The following TXK variants were observed in gnomAD, a reference collection of about 807,000 sequenced individuals.
TXK encodes the protein tyrosine-protein kinase TXK.
Under a neutral mutation model 81.0 loss-of-function variants are expected in TXK, and 60 were observed. That is an observed-to-expected ratio of 0.74 (90% CI 0.60 to 0.92). The LOEUF is 0.92. Among genes scored for constraint, TXK ranks in the 40% least tolerant of loss-of-function variants. The probability of loss-of-function intolerance (pLI) is 0.00; values close to 1 mark genes in which losing one functional copy is unlikely to be tolerated. For synonymous variants in TXK, 203 were observed against 210.7 expected, an observed-to-expected ratio of 0.96 and a Z score of 0.32; for missense variants, 581 against 638.3, an observed-to-expected ratio of 0.91 and a Z score of 0.97.
intron 13 of TXK, among the ~76,000 whole-genome samples, chr4:48,072,203 C>T (rs1369582172): frequency 1.3e-5 from 2 of 152,126 alleles, no homozygotes; most frequent in African/African-American, 4.8e-5. Context: ...GGGGTTTCAC[C>T]ATGTTGGCCA....
chr4:48,086,107 C>A (rs907735963), intron 10 of TXK, among the ~76,000 whole-genome samples: 1 of 152,202 alleles, frequency 6.6e-6, no homozygotes, highest in Non-Finnish European at 1.5e-5. Context: ...CTCCTCCTCC[C>A]GTAAGGGATT....
intron 12 of TXK, among the ~76,000 whole-genome samples, chr4:48,074,375 A>G (rs1338678517): frequency 6.6e-6 from 1 of 151,684 alleles, no homozygotes; most frequent in African/African-American, 2.4e-5. Flanking sequence ...AACCAAGATT[A>G]TAAAAAGGAA....
chr4:48,086,629 C>T lies in TXK; in HGVS notation c.793G>A (p.Glu265Lys), dbSNP rs531077454. Residue 265 changes from glutamate to lysine, a missense_variant, in exon 10 of 15, where the codon GAG becomes AAG. Coordinates refer to ENST00000264316, the MANE Select transcript of TXK (RefSeq NM_003328.3). ...ATAGFSYEKW[E>K]IDPSELAFIK... ...AAAGCCAACTCAGATGGATCTATCT[C>T]CCACTTTTCTGAAAAAGTAAAACAT... 3.8e-5 allele frequency: 62 copies of T among 1,613,128 alleles called. No individual in the cohort carries two copies. The highest frequency in any genetic ancestry group is 3.3e-4 in the Middle Eastern group (2 of 6,056).
intron 3 of TXK, among the ~76,000 whole-genome samples, chr4:48,112,741 C>A (rs1035568103): frequency 2.6e-5 from 4 of 152,094 alleles, no homozygotes; most frequent in Admixed American, 2.0e-4. Flanking sequence ...CTCTTGACAG[C>A]ATTTTACTGG....
chr4:48,114,516 T>G, intron 1 of TXK, 114 bp from the exon 2 acceptor site: 2 of 1,110,424 alleles, frequency 1.8e-6, no homozygotes, highest in African/African-American at 1.6e-5. Context: ...GTCTCGATCG[T>G]GCCTTCCTTC....
At chr4:48,097,894 C>A (rs56143759) in intron 6 of TXK, among the ~76,000 whole-genome samples, 5,847 of 151,364 alleles carry the variant, frequency 0.039, 370 homozygotes, top group African/African-American at 0.13. Flanking sequence ...ACTACAGGCG[C>A]CCGTCACCAC....
intron 8 of TXK, among the ~76,000 whole-genome samples, chr4:48,090,067 T>C (rs964523354): frequency 2.0e-5 from 3 of 152,222 alleles, no homozygotes; most frequent in African/African-American, 7.2e-5. Context: ...AAAATCTTAG[T>C]ATTCACAGAT....
chr4:48,133,618 T>C (rs1051785493), intron 1 of TXK, among the ~76,000 whole-genome samples: 1 of 152,222 alleles, frequency 6.6e-6, no homozygotes, highest in Admixed American at 6.5e-5. Flanking sequence ...TAAATACCCC[T>C]GTGAAAATAA....
intron 12 of TXK, among the ~76,000 whole-genome samples, chr4:48,074,930 C>G (rs984901140): frequency 6.6e-6 from 1 of 152,120 alleles, no homozygotes; most frequent in Admixed American, 6.5e-5. Flanking sequence ...AGTCTAGGCT[C>G]TTCAGAGAAG....
intron 4 of TXK, among the ~76,000 whole-genome samples, chr4:48,111,970 C>T (rs1448255365): frequency 6.6e-6 from 1 of 152,168 alleles, no homozygotes; most frequent in Non-Finnish European, 1.5e-5. Context: ...CAGGAAAAAA[C>T]TGACAAATTC....
chr4:48,126,259 T>G (rs546456935), intron 1 of TXK, among the ~76,000 whole-genome samples: 89 of 152,380 alleles, frequency 5.8e-4, no homozygotes, highest in Non-Finnish European at 1.1e-3. Flanking sequence ...GCATTTATCA[T>G]GAGCCACTTT....
At position 48,081,829 on chromosome 4, in the gene TXK, G is replaced by C. The variant is rs769059393; in HGVS notation, c.957-1701C>G. Among the ~76,000 whole-genome samples the C allele has an allele frequency of 2.0e-5, 3 of 151,974 alleles. No individual in the cohort carries two copies. The East Asian group carries it at 5.8e-4, about 29-fold the overall frequency. ...ATTCTTGATTTTTCCCCCTAAACCCGTTTGGTCTTCCCCCATCTTTGTAAA... is the reference window on the plus strand; with the variant it reads ...ATTCTTGATTTTTCCCCCTAAACCCCTTTGGTCTTCCCCCATCTTTGTAAA... On this transcript the variant is annotated intron_variant, in intron 10 of 14. Coordinates refer to ENST00000264316, the MANE Select transcript of TXK (RefSeq NM_003328.3).
Position 48,079,967 on chromosome 4 carries a change from T to C in TXK, c.1118A>G (p.Asp373Gly). The change falls in exon 11 of 15, where the codon GAT (aspartate) becomes GGT (glycine). Residue 373 changes from aspartate (D) to glycine (G), a missense_variant. Transcript: ENST00000264316. ...RKEMLLSVCQ[D>G]ICEGMEYLER... ...CAGATATTCCATTCCTTCACATATA[T>C]CCTGGCATACACTCAGTAGCATTTC... 1 of 1,613,986 alleles carries C rather than the reference T, an allele frequency of 6.2e-7. No homozygotes were observed. Among genetic ancestry groups the C allele is most frequent in the Non-Finnish European group, 8.5e-7 (1 of 1,179,950 alleles).
chr4:48,103,805 G>T (rs1313557460), intron 6 of TXK, among the ~76,000 whole-genome samples: 4 of 152,120 alleles, frequency 2.6e-5, no homozygotes, highest in African/African-American at 9.7e-5. Flanking sequence ...GCAGCAGCAT[G>T]TATTTTTCTT....
At chr4:48,120,002 T>C (rs1012627609) in intron 1 of TXK, among the ~76,000 whole-genome samples, 2 of 151,954 alleles carry the variant, frequency 1.3e-5, no homozygotes, top group African/African-American at 2.4e-5. Context: ...GGTATTCAAA[T>C]TCAAAATTTT....
chr4:48,104,798 T>G, intron 6 of TXK, 103 bp downstream of exon 6: 1 of 844,820 alleles, frequency 1.2e-6, no homozygotes, highest in Non-Finnish European at 1.9e-6. Context: ...AATGATATTT[T>G]AGAACTAGAA....
rs747403387 is a variant in TXK, at chr4:48,110,560, T to C, written c.424A>G (p.Ile142Val). The C allele has an allele frequency of 1.9e-6, 3 of 1,611,642 alleles. No individual in the cohort carries two copies. Among genetic ancestry groups the C allele is most frequent in the Non-Finnish European group, 2.5e-6 (3 of 1,178,340 alleles). ...IPSNYVTENK[I>V]TNLEIYEWYH... is the part of the protein sequence containing the mutation. ...TACTCATATATTTCTAAATTAGTTA[T>C]TTTGTTTTCAGTCACATAGTTGCTT... The change falls in exon 5 of 15, where the codon ATA (isoleucine) becomes GTA (valine). Residue 142 changes from isoleucine to valine, a missense_variant. Physicochemically the swap from Ile to Val is conservative, Grantham distance 29. Transcript: ENST00000264316.
chr4:48,084,979 C>T (rs573460146), intron 10 of TXK, among the ~76,000 whole-genome samples: 3 of 152,130 alleles, frequency 2.0e-5, no homozygotes, highest in African/African-American at 4.8e-5. Context: ...TCTGCAAGTG[C>T]GGGTCAGAAC....
intron 6 of TXK, among the ~76,000 whole-genome samples, chr4:48,097,000 T>C (rs1444635581): frequency 2.6e-5 from 4 of 151,976 alleles, no homozygotes; most frequent in Non-Finnish European, 5.9e-5. Context: ...GCAATAAAAA[T>C]AAGCATATTC....
Sources: allele counts gnomAD v4.1 joint callset (sites outside exome capture counted in the v4.1 genomes callset), GRCh38; gene constraint gnomAD v4.1.1; transcripts MANE v1.5; gene names NCBI Gene and HGNC (gene_info 2026-07-23, HGNC 2026-07-21).